LY9: variants seen among roughly 807,000 people sequenced by gnomAD.
The protein encoded by LY9 is lymphocyte antigen 9.
In LY9, 59 loss-of-function variants were observed where a neutral mutation model predicts 64.6. The ratio of observed to expected loss-of-function variants is 0.91; its 90% confidence interval spans 0.74 to 1.13. The LOEUF (loss-of-function observed/expected upper bound fraction) is 1.13. Ranked by LOEUF, LY9 falls within the 50% of genes most tolerant of loss-of-function variation. The pLI is 0.00. For missense variants in LY9, 789 were observed against 797.2 expected (o/e 0.99, Z 0.12); for synonymous variants, 281 against 308.5 (o/e 0.91, Z 0.93).
chr1:160,799,878 A>C lies in LY9; in HGVS notation c.250A>C (p.Lys84Gln), dbSNP rs1225378534. The C allele has an allele frequency of 1.2e-6, 2 of 1,614,048 alleles. No individual in the cohort carries two copies. Among genetic ancestry groups the C allele is most frequent in the Non-Finnish European group, 1.7e-6 (2 of 1,180,018 alleles). Reference protein sequence around the residue: ...EIENVIWIGPKNALAFARPKE... With the variant: ...EIENVIWIGPQNALAFARPKE... ...TGAGAACGTCATCTGGATTGGTCCCAAAAATGCTCTTGCTTTCGCACGTCC... is the reference window on the plus strand; with the variant it reads ...TGAGAACGTCATCTGGATTGGTCCCCAAAATGCTCTTGCTTTCGCACGTCC... Residue 84 changes from lysine (K) to glutamine (Q), a missense_variant, in exon 2 of 10, where the codon AAA (lysine) becomes CAA (glutamine). Physicochemically the swap from Lys to Gln is moderately conservative, Grantham distance 53. Coordinates refer to ENST00000263285, the MANE Select transcript of LY9 (RefSeq NM_002348.4).
intron 2 of LY9, chr1:160,801,724 T>G: frequency 7.8e-7 from 1 of 1,288,596 alleles, no homozygotes; most frequent in Non-Finnish European, 1.1e-6. Flanking sequence ...TTGAGGAGGT[T>G]TTTTATATGA....
intron 2 of LY9, among the ~76,000 whole-genome samples, chr1:160,803,722 C>T (rs905641477): frequency 7.2e-5 from 11 of 152,024 alleles, no homozygotes; most frequent in African/African-American, 2.4e-4. Flanking sequence ...AGATCATATC[C>T]TCAGGCTAAG....
chr1:160,823,853 G>A, intron 8 of LY9, 57 bp downstream of exon 8: 1 of 1,376,122 alleles, frequency 7.3e-7, no homozygotes, highest in South Asian at 1.3e-5. Flanking sequence ...CGGCATCTGA[G>A]ATCCTGGATG....
chr1:160,807,603 C>A (rs1327884731), intron 2 of LY9, among the ~76,000 whole-genome samples: 1 of 152,066 alleles, frequency 6.6e-6, no homozygotes, highest in Non-Finnish European at 1.5e-5. Flanking sequence ...GCTCTCAGGC[C>A]CCCTGGCAGT....
In LY9 at chr1:160,814,533, T is replaced by C; in HGVS notation, c.844T>C (p.Trp282Arg). Residue 282 changes from tryptophan to arginine, a missense_variant, in exon 4 of 10, where the codon TGG becomes CGG. Transcript: ENST00000263285. ...CTGCCGGGACACAGAGAAGGTTGTCTGGTTGTTTAACACATCCATCATTAG... is the reference window on the plus strand; with the variant it reads ...CTGCCGGGACACAGAGAAGGTTGTCCGGTTGTTTAACACATCCATCATTAG... ...PACRDTEKVV[W>R]LFNTSIISKE... The C allele has an allele frequency of 6.2e-7, 1 of 1,614,210 alleles. No individual in the cohort carries two copies. Among genetic ancestry groups the C allele is most frequent in the South Asian group, 1.1e-5 (1 of 91,082 alleles).
chr1:160,818,407 G>A, intron 6 of LY9, 88 bp downstream of exon 6: 4 of 927,740 alleles, frequency 4.3e-6, no homozygotes, highest in Non-Finnish European at 6.9e-6. Context: ...ACAATCCCGT[G>A]CTACCCCTCC....
chr1:160,814,455 A>T lies in LY9; in HGVS notation c.766A>T (p.Thr256Ser). ...GASRGGTTGE[T>S]VVGVLGEPVT... ...CTCCAGAGGAGGAACAACGGGGGAG[A>T]CTGTGGTAGGGGTCCTGGGAGAGCC... Residue 256 changes from threonine to serine, a missense_variant, in exon 4 of 10, where the codon ACT becomes TCT. Transcript: ENST00000263285. The T allele has an allele frequency of 6.2e-7, 1 of 1,613,510 alleles. No homozygotes were observed. Among genetic ancestry groups the T allele is most frequent in the South Asian group, 1.1e-5 (1 of 91,016 alleles).
In LY9 at chr1:160,802,654, T is replaced by A. The variant is rs924252336; in HGVS notation, c.454+2572T>A. 5 of 985,278 alleles carry A rather than the reference T, an allele frequency of 5.1e-6. No homozygotes were observed. In the South Asian group the frequency reaches 1.9e-4, roughly 37 times the overall value. The allele number at this position is 985,278 out of a possible 1,614,324, so 61.0% of individuals were successfully genotyped here. A position where few individuals can be genotyped will look rare whatever the true frequency, so the allele number is the denominator to read the frequency against. On this transcript the variant is annotated intron_variant, in intron 2 of 9. Transcript: ENST00000263285. ...CACCAATTTGGTGAAAATGCTGCTTTCCTCAGCCTCCCCACAATTAAACTG... is the reference window on the plus strand; with the variant it reads ...CACCAATTTGGTGAAAATGCTGCTTACCTCAGCCTCCCCACAATTAAACTG...
At chr1:160,810,831 G>A (rs1471462583) in intron 2 of LY9, 1 of 152,178 alleles carries the variant, frequency 6.6e-6, no homozygotes, top group Non-Finnish European at 1.5e-5. Flanking sequence ...TTCTTCAGTT[G>A]TGAACCTGCA....
intron 2 of LY9, among the ~76,000 whole-genome samples, chr1:160,803,196 C>A (rs1160747047): frequency 6.6e-6 from 1 of 152,124 alleles, no homozygotes; most frequent in Non-Finnish European, 1.5e-5. Flanking sequence ...GCGGGAGAAT[C>A]ACTTTAATCT....
intron 9 of LY9, chr1:160,824,523 C>T: frequency 1.0e-6 from 1 of 985,192 alleles, no homozygotes; most frequent in Non-Finnish European, 1.2e-6. Flanking sequence ...TACACTCAAA[C>T]AAGGTAGGGT....
intron 5 of LY9, among the ~76,000 whole-genome samples, chr1:160,817,109 A>G (rs1035639098): frequency 7.2e-5 from 11 of 152,218 alleles, no homozygotes; most frequent in African/African-American, 2.7e-4. Context: ...TATCCAAAAT[A>G]TCATTATTCA....
chr1:160,823,691 A>G lies in LY9; in HGVS notation c.1725A>G (p.Pro575=). The G allele has an allele frequency of 6.2e-7, 1 of 1,614,080 alleles. No individual in the cohort carries two copies. Among genetic ancestry groups the G allele is most frequent in the Non-Finnish European group, 8.5e-7 (1 of 1,179,960 alleles). The change falls in exon 8 of 10, where the codon CCA becomes CCG. Residue 575 remains proline, a synonymous_variant. Coordinates refer to ENST00000263285, the MANE Select transcript of LY9 (RefSeq NM_002348.4). ...QVTQEGAGHD[P]APEGQADYDP... is the part of the protein sequence containing the mutation. ...CTCAGGAGGGCGCTGGACATGACCC[A>G]GCCCCTGAGGGCCAAGCAGACTATG... is the stretch of plus-strand genomic sequence containing the variant.
At chr1:160,808,602 G>A (rs776175026) in intron 2 of LY9, among the ~76,000 whole-genome samples, 19 of 152,136 alleles carry the variant, frequency 1.2e-4, no homozygotes, top group Non-Finnish European at 2.4e-4. Flanking sequence ...CCTCTATTGG[G>A]AAATCACTCC....
chr1:160,796,530 T>C (rs570092092), intron 1 of LY9, among the ~76,000 whole-genome samples: 1 of 152,208 alleles, frequency 6.6e-6, no homozygotes, highest in East Asian at 1.9e-4. Context: ...GTAGCTGGGA[T>C]TACAGGTGCA....
At chr1:160,798,520 A>C (rs1158441246) in intron 1 of LY9, among the ~76,000 whole-genome samples, 1 of 152,110 alleles carries the variant, frequency 6.6e-6, no homozygotes, top group Non-Finnish European at 1.5e-5. Flanking sequence ...GAAAACCTCA[A>C]ACCAACCTCA....
intron 2 of LY9, chr1:160,800,326 C>T: frequency 2.3e-6 from 1 of 426,616 alleles, no homozygotes; most frequent in Non-Finnish European, 4.2e-6. Context: ...CACTTCTCTT[C>T]ATCATCCCCC....
chr1:160,816,389 G>T (rs1667945433), intron 4 of LY9, among the ~76,000 whole-genome samples: 1 of 152,156 alleles, frequency 6.6e-6, no homozygotes, highest in African/African-American at 2.4e-5. Context: ...TCTCACCTGA[G>T]CATCAAGAGG....
Position 160,828,094 on chromosome 1 carries a change from C to T in LY9, c.*278C>T. The T allele has an allele frequency of 4.3e-6, 1 of 230,006 alleles. No homozygotes were observed. Among genetic ancestry groups the T allele is most frequent in the Non-Finnish European group, 8.5e-6 (1 of 118,162 alleles). The allele number at this position is 230,006 out of a possible 1,614,324, so 14.2% of individuals were successfully genotyped here. A position where few individuals can be genotyped will look rare whatever the true frequency, so the allele number is the denominator to read the frequency against. On this transcript the variant is annotated 3_prime_UTR_variant, in exon 10 of 10. Transcript: ENST00000263285. Reference sequence around the variant, plus strand: ...ATAGCGTTTCCTCCTCGAAATTCTACCAAGACTGGTCAAATGTTGCTGAGG... The same window carrying T: ...ATAGCGTTTCCTCCTCGAAATTCTATCAAGACTGGTCAAATGTTGCTGAGG...
Sources: allele counts gnomAD v4.1 joint callset (sites outside exome capture counted in the v4.1 genomes callset), GRCh38; gene constraint gnomAD v4.1.1; transcripts MANE v1.5; gene names NCBI Gene and HGNC (gene_info 2026-07-23, HGNC 2026-07-21).